ADAMTSL1: variants seen among roughly 807,000 people sequenced by gnomAD.
ADAMTSL1 encodes ADAMTS-like protein 1.
In ADAMTSL1, 126 loss-of-function variants were observed where a neutral mutation model predicts 201.8. The observed-to-expected ratio is 0.62, with a 90% CI of 0.54 to 0.72. ADAMTSL1 has a LOEUF of 0.72. ADAMTSL1 is among the 30% of genes least tolerant of loss of function. The pLI, the probability that ADAMTSL1 is intolerant of heterozygous loss-of-function variation, is 0.00. For missense variants in ADAMTSL1, 2,679 were observed against 2,277.8 expected, an observed-to-expected ratio of 1.18 and a Z score of -3.59; for synonymous variants, 1,121 against 903.4, an observed-to-expected ratio of 1.24 and a Z score of -4.32.
chr9:18,720,625 A>T (rs1833283570), intron 14 of ADAMTSL1, among the ~76,000 whole-genome samples: 1 of 152,098 alleles, frequency 6.6e-6, no homozygotes. Context: ...TCTACTAAGA[A>T]TACAAAAATT....
intron 1 of ADAMTSL1, among the ~76,000 whole-genome samples, chr9:18,115,173 T>G (rs1225783949): frequency 6.6e-6 from 1 of 152,174 alleles, no homozygotes. Flanking sequence ...AATCCTGTAT[T>G]TGCAGTGGGC....
At chr9:17,995,932 T>C (rs1361037756) in intron 1 of ADAMTSL1, among the ~76,000 whole-genome samples, 2 of 151,918 alleles carry the variant, frequency 1.3e-5, no homozygotes, top group South Asian at 2.1e-4. Context: ...AATGACACAG[T>C]CCGTATAGCT....
At chr9:18,125,536 T>G (rs1825696783) in intron 1 of ADAMTSL1, among the ~76,000 whole-genome samples, 1 of 152,220 alleles carries the variant, frequency 6.6e-6, no homozygotes, top group Non-Finnish European at 1.5e-5. Context: ...ATATGTTTTC[T>G]TCTAAGAGTT....
chr9:18,475,907 G>A (rs1396533696), intron 1 of ADAMTSL1, among the ~76,000 whole-genome samples: 2 of 151,868 alleles, frequency 1.3e-5, no homozygotes. Flanking sequence ...CTATCCATTT[G>A]GTAAACGCAT....
chr9:18,291,338 T>C (rs1234036846), intron 2 of ADAMTSL1, among the ~76,000 whole-genome samples: 1 of 152,186 alleles, frequency 6.6e-6, no homozygotes, highest in East Asian at 1.9e-4. Flanking sequence ...TATCAGATGG[T>C]TCCTCAGGGA....
In ADAMTSL1 at chr9:18,713,796, A is replaced by AT. The variant is rs1587961811; in HGVS notation, c.1876+6755dup. Among the ~76,000 whole-genome samples, 3 of 148,624 alleles carry AT rather than the reference A, an allele frequency of 2.0e-5. No individual in the cohort carries two copies. The East Asian group carries it at 5.9e-4, about 29-fold the overall frequency. On this transcript the variant is annotated intron_variant, in intron 14 of 28. Coordinates refer to ENST00000380548, the MANE Select transcript of ADAMTSL1 (RefSeq NM_001040272.6). ...TCCACCCCAAATCAACAGAATGTAC[A>AT]TTTTTTTCAGCACCACACCACACCT...
intron 2 of ADAMTSL1, among the ~76,000 whole-genome samples, chr9:18,210,328 G>A (rs1459777994): frequency 6.7e-6 from 1 of 148,282 alleles, no homozygotes; most frequent in Admixed American, 6.8e-5. Context: ...TCATTAATAA[G>A]AACAACTTTT....
intron 4 of ADAMTSL1, among the ~76,000 whole-genome samples, chr9:18,596,034 T>C (rs1208980089): frequency 6.6e-6 from 1 of 152,198 alleles, no homozygotes; most frequent in African/African-American, 2.4e-5. Flanking sequence ...GCAGGTTACC[T>C]CCTATTCTGC....
intron 19 of ADAMTSL1, among the ~76,000 whole-genome samples, chr9:18,790,560 C>T (rs1280674391): frequency 6.6e-6 from 1 of 152,138 alleles, no homozygotes; most frequent in Non-Finnish European, 1.5e-5. Context: ...GATGATTTAT[C>T]CTGAAAGAGA....
At chr9:18,802,908 C>T (rs1411282812) in intron 20 of ADAMTSL1, among the ~76,000 whole-genome samples, 2 of 152,080 alleles carry the variant, frequency 1.3e-5, no homozygotes, top group South Asian at 2.1e-4. Flanking sequence ...GCCTCATGAG[C>T]GTGAAGTAGT....
At position 18,008,208 on chromosome 9, in the gene ADAMTSL1, A is replaced by G. The variant is rs113719421; in HGVS notation, c.87+101286A>G. On this transcript the variant is annotated intron_variant, in intron 1 of 29. Transcript: ENST00000680146. ...TGTGACCCTCAGAAAATAGGTCTACATGAGATGTTTAACCAGTCTGTGAAA... is the reference window on the plus strand; with the variant it reads ...TGTGACCCTCAGAAAATAGGTCTACGTGAGATGTTTAACCAGTCTGTGAAA... Among the ~76,000 whole-genome samples, 158 of 152,096 alleles carry G rather than the reference A, an allele frequency of 1.0e-3. 2 individuals carry two copies. The highest frequency in any genetic ancestry group is 3.6e-3 in the African/African-American group (148 of 41,548).
chr9:18,543,675 G>A (rs1820297421), intron 3 of ADAMTSL1, among the ~76,000 whole-genome samples: 1 of 152,088 alleles, frequency 6.6e-6, no homozygotes, highest in Non-Finnish European at 1.5e-5. Flanking sequence ...ATGACTAACT[G>A]TTTTATCATT....
At chr9:18,533,431 G>A (rs1311766299) in intron 3 of ADAMTSL1, 139 bp downstream of exon 3, 1 of 515,224 alleles carries the variant, frequency 1.9e-6, no homozygotes, top group African/African-American at 2.0e-5. Flanking sequence ...CTGATTATAT[G>A]CAGGACTAAA....
chr9:18,195,939 G>A (rs981732574), intron 2 of ADAMTSL1, among the ~76,000 whole-genome samples: 13 of 151,890 alleles, frequency 8.6e-5, no homozygotes, highest in Non-Finnish European at 1.8e-4. Context: ...GCTGATTCAC[G>A]TCCTGTGAAA....
Position 18,639,723 on chromosome 9 carries a change from G to C in ADAMTSL1, c.834+312G>C, listed in dbSNP as rs142454468. Reference sequence around the variant, plus strand: ...CTATAGATTGTTTTTAAAATAGTTTGGATACAGTCATTGACTTATATAGGC... The same window carrying C: ...CTATAGATTGTTTTTAAAATAGTTTCGATACAGTCATTGACTTATATAGGC... On this transcript the variant is annotated intron_variant, in intron 7 of 28. Coordinates refer to ENST00000380548, the MANE Select transcript of ADAMTSL1 (RefSeq NM_001040272.6). Among the ~76,000 whole-genome samples the C allele has an allele frequency of 9.2e-5, 14 of 152,112 alleles. No individual in the cohort carries two copies. The East Asian group carries it at 1.5e-3, about 17-fold the overall frequency.
intron 26 of ADAMTSL1, among the ~76,000 whole-genome samples, chr9:18,899,737 ATGCAGAAAAT>A (rs778585566): frequency 2.0e-5 from 3 of 152,236 alleles, no homozygotes; most frequent in Non-Finnish European, 2.9e-5. Context: ...GGCTAGCTGT[ATGCAGAAAAT>A]TGATACTGGA....
intron 23 of ADAMTSL1, among the ~76,000 whole-genome samples, chr9:18,869,078 A>AT (rs1398817932): frequency 1.3e-5 from 2 of 152,238 alleles, no homozygotes; most frequent in Non-Finnish European, 2.9e-5. Context: ...CACACAAGGC[A>AT]GAACTCCATG....
chr9:18,577,488 A>C (rs984052908), intron 4 of ADAMTSL1, among the ~76,000 whole-genome samples: 2 of 152,140 alleles, frequency 1.3e-5, no homozygotes, highest in Admixed American at 6.6e-5. Context: ...TCCATCTCTA[A>C]ATAAATAAAT....
At chr9:18,238,776 A>C (rs908398819) in intron 2 of ADAMTSL1, among the ~76,000 whole-genome samples, 2 of 152,222 alleles carry the variant, frequency 1.3e-5, no homozygotes, top group Non-Finnish European at 2.9e-5. Flanking sequence ...AATGTGGAAT[A>C]ATTAAATCAA....
Sources: gnomAD v4.1 joint callset for allele counts (sites outside exome capture counted in the v4.1 genomes callset) on GRCh38, gnomAD v4.1.1 for gene constraint, MANE v1.5 for transcripts, NCBI Gene and HGNC (gene_info 2026-07-23, HGNC 2026-07-21) for gene names.